The following PRR16 variants were observed in gnomAD, a reference collection of about 807,000 sequenced individuals.
The protein encoded by PRR16 is protein Largen.
Under a neutral mutation model 18.2 loss-of-function variants are expected in PRR16, and 6 were observed. The observed-to-expected ratio is 0.33, with a 90% CI of 0.18 to 0.65. PRR16 has a LOEUF of 0.65. Ranked by LOEUF, PRR16 falls within the 30% of genes least tolerant of loss-of-function variation. The probability of loss-of-function intolerance (pLI) is 0.74; values close to 1 mark genes in which losing one functional copy is unlikely to be tolerated. For missense variants in PRR16, 412 were observed against 376.6 expected, an observed-to-expected ratio of 1.09 and a Z score of -0.78; for synonymous variants, 151 against 147.8, an observed-to-expected ratio of 1.02 and a Z score of -0.16.
chr5:120,750,209 A>G, the PRR16 span, among the ~76,000 whole-genome samples: 20 of 152,104 alleles, frequency 1.3e-4, no homozygotes, highest in South Asian at 4.2e-4. Flanking sequence ...ATTCAGCCTC[A>G]GTCATTTGAT....
chr5:120,712,520 T>G, the PRR16 span, among the ~76,000 whole-genome samples: 1 of 152,106 alleles, frequency 6.6e-6, no homozygotes, highest in Non-Finnish European at 1.5e-5. Context: ...AAGGGGAACC[T>G]TACAGATTGG....
At chr5:120,786,981 A>T in the PRR16 span, among the ~76,000 whole-genome samples, 131,106 of 152,120 alleles carry the variant, frequency 0.86, 56,685 homozygotes, top group South Asian at 0.95. Flanking sequence ...AGTGAGTAAA[A>T]CTTATATGGT....
chr5:120,684,867 G>A (rs1291688039), intron 1 of PRR16, among the ~76,000 whole-genome samples: 7 of 152,126 alleles, frequency 4.6e-5, no homozygotes, highest in African/African-American at 1.2e-4. Context: ...TCTCCTTAAC[G>A]TGGGTTCCCA....
chr5:120,774,393 A>G, the PRR16 span, among the ~76,000 whole-genome samples: 2 of 152,150 alleles, frequency 1.3e-5, no homozygotes, highest in African/African-American at 4.8e-5. Context: ...CTTCAGAAAA[A>G]TAATACCTAA....
intron 1 of PRR16, among the ~76,000 whole-genome samples, chr5:120,626,293 G>T (rs1365962716): frequency 6.6e-6 from 1 of 152,070 alleles, no homozygotes; most frequent in Admixed American, 6.6e-5. Flanking sequence ...GTAAACAACT[G>T]CTGACACATG....
intron 1 of PRR16, among the ~76,000 whole-genome samples, chr5:120,655,741 T>G (rs1295789412): frequency 2.0e-5 from 3 of 151,008 alleles, no homozygotes; most frequent in African/African-American, 4.9e-5. Context: ...TTTTTTGTTT[T>G]TTTTTTTCTG....
At chr5:120,480,285 T>TCTGCTTC (rs1749568890) in intron 1 of PRR16, among the ~76,000 whole-genome samples, 1 of 152,190 alleles carries the variant, frequency 6.6e-6, no homozygotes, top group Non-Finnish European at 1.5e-5. Context: ...GAGTTTAACA[T>TCTGCTTC]CTGCTTCCTG....
At chr5:120,591,234 G>A (rs1032757420) in intron 1 of PRR16, among the ~76,000 whole-genome samples, 3 of 151,954 alleles carry the variant, frequency 2.0e-5, no homozygotes, top group African/African-American at 2.4e-5. Flanking sequence ...AGCCGAGATC[G>A]TGCCACTGCA....
At chr5:120,562,441 G>T (rs572849689) in intron 1 of PRR16, among the ~76,000 whole-genome samples, 2 of 151,974 alleles carry the variant, frequency 1.3e-5, no homozygotes, top group Admixed American at 6.6e-5. Flanking sequence ...CAGTCACTCT[G>T]TTTTTTTATT....
At chr5:120,646,046 TTTTATATATATATATA>T (rs1476484236) in intron 1 of PRR16, among the ~76,000 whole-genome samples, 1 of 8,996 alleles carries the variant, frequency 1.1e-4, no homozygotes, top group Admixed American at 2.6e-3. Context: ...AAAATACATA[TTTTATATATATATATA>T]TATATATATA....
intron 1 of PRR16, among the ~76,000 whole-genome samples, chr5:120,587,957 A>C (rs143086030): frequency 6.6e-6 from 1 of 152,336 alleles, no homozygotes; most frequent in Admixed American, 6.5e-5. Flanking sequence ...TCATGGGAAG[A>C]ATTCAAAATG....
intron 1 of PRR16, among the ~76,000 whole-genome samples, chr5:120,679,604 A>G (rs994696799): frequency 8.5e-5 from 13 of 152,136 alleles, no homozygotes; most frequent in African/African-American, 3.1e-4. Context: ...CATCTGAAAG[A>G]TTTACTTATT....
At chr5:120,504,934 G>A (rs1750591165) in intron 1 of PRR16, among the ~76,000 whole-genome samples, 1 of 152,214 alleles carries the variant, frequency 6.6e-6, no homozygotes, top group Admixed American at 6.5e-5. Context: ...AGAAACTCAT[G>A]GGAACAGGAG....
At chr5:120,739,883 C>T in the PRR16 span, among the ~76,000 whole-genome samples, 1 of 150,754 alleles carries the variant, frequency 6.6e-6, no homozygotes, top group Non-Finnish European at 1.5e-5. Context: ...CAGTAAGCTT[C>T]AAATAAATTA....
chr5:120,715,803 A>G, the PRR16 span, among the ~76,000 whole-genome samples: 2 of 152,194 alleles, frequency 1.3e-5, no homozygotes, highest in Admixed American at 6.5e-5. Context: ...ACATCATCTC[A>G]GATGAAGAGT....
At chr5:120,501,620 A>C (rs1750455681) in intron 1 of PRR16, among the ~76,000 whole-genome samples, 1 of 152,188 alleles carries the variant, frequency 6.6e-6, no homozygotes, top group Non-Finnish European at 1.5e-5. Flanking sequence ...CATTCATAGA[A>C]ATGAGTGGAA....
intron 1 of PRR16, among the ~76,000 whole-genome samples, chr5:120,606,430 A>G (rs1319293378): frequency 1.3e-5 from 2 of 152,164 alleles, no homozygotes; most frequent in Non-Finnish European, 1.5e-5. Flanking sequence ...CTGCATTTTT[A>G]TATACTTTTT....
At chr5:120,504,938 A>G (rs1750591336) in intron 1 of PRR16, among the ~76,000 whole-genome samples, 1 of 152,170 alleles carries the variant, frequency 6.6e-6, no homozygotes, top group Non-Finnish European at 1.5e-5. Context: ...ACTCATGGGA[A>G]CAGGAGGAGG....
At chr5:120,531,248 A>G (rs1370386398) in intron 1 of PRR16, among the ~76,000 whole-genome samples, 2 of 152,158 alleles carry the variant, frequency 1.3e-5, no homozygotes, top group Admixed American at 6.6e-5. Flanking sequence ...GGCAAATGAT[A>G]GGTTGCCATA....
Sources: allele counts gnomAD v4.1 joint callset (sites outside exome capture counted in the v4.1 genomes callset), GRCh38; gene constraint gnomAD v4.1.1; transcripts MANE v1.5; gene names NCBI Gene and HGNC (gene_info 2026-07-23, HGNC 2026-07-21).